The following RGS7BP variants were observed in gnomAD, a reference collection of about 807,000 sequenced individuals.
RGS7BP encodes the protein regulator of G protein signaling 7-binding protein.
Under a neutral mutation model 31.3 loss-of-function variants are expected in RGS7BP, and 9 were observed. The ratio of observed to expected loss-of-function variants is 0.29; its 90% CI spans 0.17 to 0.50. The LOEUF (loss-of-function observed/expected upper bound fraction) is 0.50, where lower values mean the gene tolerates loss of function less well. Ranked by LOEUF, RGS7BP falls within the 20% of genes least tolerant of loss-of-function variation. The pLI is 0.98. For missense variants in RGS7BP, 274 were observed against 322.0 expected, an observed-to-expected ratio of 0.85 and a Z score of 1.14; for synonymous variants, 115 against 120.1, an observed-to-expected ratio of 0.96 and a Z score of 0.28.
At chr5:64,591,890 T>G (rs746127656) in intron 3 of RGS7BP, among the ~76,000 whole-genome samples, 2 of 152,176 alleles carry the variant, frequency 1.3e-5, no homozygotes, top group Non-Finnish European at 2.9e-5. Flanking sequence ...AGTAGACTTA[T>G]AGAATTGAAG....
chr5:64,586,584 C>A (rs893450877), intron 3 of RGS7BP, among the ~76,000 whole-genome samples: 13 of 152,320 alleles, frequency 8.5e-5, no homozygotes, highest in African/African-American at 3.1e-4. Context: ...TCAAGCATTT[C>A]CATGACACTA....
intron 2 of RGS7BP, among the ~76,000 whole-genome samples, chr5:64,518,605 C>T (rs1462396245): frequency 1.3e-5 from 2 of 152,120 alleles, no homozygotes; most frequent in Admixed American, 1.3e-4. Flanking sequence ...GCATTTGAGG[C>T]AGCAACAACA....
At chr5:64,598,507 A>C (rs1743135346) in intron 5 of RGS7BP, 72 bp downstream of exon 5, 2 of 933,426 alleles carry the variant, frequency 2.1e-6, no homozygotes, top group Admixed American at 3.5e-5. Context: ...GTTTCTTGGA[A>C]ATTAAAGCAT....
At chr5:64,513,444 AT>A (rs945164508) in intron 2 of RGS7BP, among the ~76,000 whole-genome samples, 1 of 150,966 alleles carries the variant, frequency 6.6e-6, no homozygotes, top group African/African-American at 2.4e-5. Flanking sequence ...TTTCGCCCTG[AT>A]TTTTTCAGTC....
At chr5:64,563,459 T>C (rs1742099488) in intron 2 of RGS7BP, among the ~76,000 whole-genome samples, 1 of 152,118 alleles carries the variant, frequency 6.6e-6, no homozygotes, top group Non-Finnish European at 1.5e-5. Flanking sequence ...TCATGACTGA[T>C]ATCCTTATCA....
chr5:64,531,775 G>C (rs1048506743), intron 2 of RGS7BP, among the ~76,000 whole-genome samples: 4 of 152,178 alleles, frequency 2.6e-5, no homozygotes, highest in Non-Finnish European at 5.9e-5. Flanking sequence ...ACATGATTTT[G>C]AGCGTATGTT....
intron 4 of RGS7BP, among the ~76,000 whole-genome samples, chr5:64,598,154 G>A (rs1034218212): frequency 6.6e-6 from 1 of 152,150 alleles, no homozygotes; most frequent in Non-Finnish European, 1.5e-5. Context: ...GAAATGTTTG[G>A]CAGAATGGCT....
intron 3 of RGS7BP, among the ~76,000 whole-genome samples, chr5:64,584,482 A>G (rs565803725): frequency 3.9e-5 from 6 of 152,362 alleles, no homozygotes; most frequent in African/African-American, 1.4e-4. Flanking sequence ...AATTAACTGT[A>G]GAGTGAATAC....
At chr5:64,570,770 C>A (rs1001911071) in intron 2 of RGS7BP, among the ~76,000 whole-genome samples, 5 of 152,102 alleles carry the variant, frequency 3.3e-5, no homozygotes, top group African/African-American at 1.2e-4. Flanking sequence ...TACCCACTCC[C>A]TAGATTCTAC....
At chr5:64,574,603 A>G (rs1742374891) in intron 2 of RGS7BP, among the ~76,000 whole-genome samples, 1 of 152,178 alleles carries the variant, frequency 6.6e-6, no homozygotes, top group Non-Finnish European at 1.5e-5. Context: ...GAGGCTAAGA[A>G]TTTTGCATTT....
At chr5:64,513,171 T>A (rs1748885205) in intron 2 of RGS7BP, among the ~76,000 whole-genome samples, 1 of 152,242 alleles carries the variant, frequency 6.6e-6, no homozygotes, top group African/African-American at 2.4e-5. Context: ...CCAAACCTAG[T>A]ACATTCACAA....
At chr5:64,534,781 T>G (rs1749463040) in intron 2 of RGS7BP, among the ~76,000 whole-genome samples, 1 of 152,210 alleles carries the variant, frequency 6.6e-6, no homozygotes, top group South Asian at 2.1e-4. Context: ...AGGTCAGGGC[T>G]ATAAATTTAA....
At chr5:64,598,539 A>C (rs1743136455) in intron 5 of RGS7BP, 104 bp downstream of exon 5, 3 of 772,154 alleles carry the variant, frequency 3.9e-6, no homozygotes, top group Middle Eastern at 2.3e-4. Flanking sequence ...AAACAGTAGA[A>C]GGCATTGAGC....
intron 2 of RGS7BP, among the ~76,000 whole-genome samples, chr5:64,544,735 G>C (rs561769841): frequency 6.6e-6 from 1 of 152,084 alleles, no homozygotes; most frequent in Admixed American, 6.5e-5. Context: ...GTTGAAAAAA[G>C]TGTGATGACT....
intron 3 of RGS7BP, among the ~76,000 whole-genome samples, chr5:64,585,244 G>A (rs143868489): frequency 4.7e-4 from 72 of 152,118 alleles, no homozygotes; most frequent in African/African-American, 1.7e-3. Context: ...GAAGTGATAG[G>A]GCACTGATAC....
chr5:64,588,410 G>A (rs1343842589), intron 3 of RGS7BP, among the ~76,000 whole-genome samples: 1 of 152,118 alleles, frequency 6.6e-6, no homozygotes, highest in Non-Finnish European at 1.5e-5. Flanking sequence ...TCCCTCTTCA[G>A]CAAAGGGCAG....
intron 3 of RGS7BP, among the ~76,000 whole-genome samples, chr5:64,593,611 C>A (rs1349295570): frequency 6.6e-6 from 1 of 152,014 alleles, no homozygotes; most frequent in African/African-American, 2.4e-5. Context: ...TTTTTCCAGA[C>A]TACATAATGT....
chr5:64,580,148 C>G (rs752617424), intron 3 of RGS7BP, among the ~76,000 whole-genome samples: 2 of 152,074 alleles, frequency 1.3e-5, no homozygotes, highest in Non-Finnish European at 2.9e-5. Context: ...GACCACAACC[C>G]AAGAGTATTA....
chr5:64,527,952 A>C (rs376411973), intron 2 of RGS7BP, among the ~76,000 whole-genome samples: 1 of 152,228 alleles, frequency 6.6e-6, no homozygotes, highest in Admixed American at 6.5e-5. Flanking sequence ...CTATCCACAC[A>C]TGTCAAACCT....
Sources: gnomAD v4.1 joint callset for allele counts (sites outside exome capture counted in the v4.1 genomes callset) on GRCh38, gnomAD v4.1.1 for gene constraint, MANE v1.5 for transcripts, NCBI Gene and HGNC (gene_info 2026-07-23, HGNC 2026-07-21) for gene names.